The following MGST1 variants were observed in gnomAD, a reference collection of about 807,000 sequenced individuals.
MGST1 encodes microsomal glutathione S-transferase 1.
Under a neutral mutation model 8.9 loss-of-function variants are expected in MGST1, and 5 were observed. The observed-to-expected ratio is 0.56, with a 90% CI of 0.29 to 1.19. The LOEUF (loss-of-function observed/expected upper bound fraction) is 1.19. MGST1 is among the 50% of genes most tolerant of loss of function. The probability of loss-of-function intolerance (pLI) is 0.08; values close to 1 mark genes in which losing one functional copy is unlikely to be tolerated. For synonymous variants in MGST1, 54 were observed against 67.8 expected, an observed-to-expected ratio of 0.80 and a Z score of 1.00; for missense variants, 182 against 187.4, an observed-to-expected ratio of 0.97 and a Z score of 0.17.
chr12:16,367,338 T>G (rs1940209527), downstream of MGST1: 1 of 152,192 alleles, frequency 6.6e-6, no homozygotes, highest in Admixed American at 6.5e-5. Flanking sequence ...ACAGGAGATC[T>G]TAGGCCCAGA....
In MGST1 at chr12:16,513,175, A is replaced by G. The variant is rs182019183; in HGVS notation, n.483-76353A>G. Among the ~76,000 whole-genome samples, 1 of 152,348 alleles carries G rather than the reference A, an allele frequency of 6.6e-6. No individual in the cohort carries two copies. Among genetic ancestry groups the G allele is most frequent in the East Asian group, 1.9e-4 (1 of 5,184 alleles). On this transcript the variant is annotated intron_variant and non_coding_transcript_variant, in intron 4 of 4. Transcript: ENST00000538857. The surrounding 1 kb of genome is among the most constrained non-coding windows in gnomAD (Gnocchi z 4.2). Reference sequence around the variant, plus strand: ...ATAACTTAATCCACTGCCTACTATTAGCTTCGATTTCTTCATCTGACTCAG... The same window carrying G: ...ATAACTTAATCCACTGCCTACTATTGGCTTCGATTTCTTCATCTGACTCAG...
Position 16,456,409 on chromosome 12 carries a change from G to A in MGST1, n.482+72805G>A, listed in dbSNP as rs913334937. Among the ~76,000 whole-genome samples, 11 of 151,866 alleles carry A rather than the reference G, an allele frequency of 7.2e-5. No homozygotes were observed. The East Asian group carries it at 9.7e-4, about 13-fold the overall frequency. ...AGTTTATCTTAATTTTTGAAAAAAC[G>A]TTTTAAATCTTAATTCTAATTTTAA... is the stretch of plus-strand genomic sequence containing the variant. On this transcript the variant is annotated intron_variant and non_coding_transcript_variant, in intron 4 of 4. Transcript: ENST00000538857.
At chr12:16,525,398 G>GT (rs1163367223) in intron 4 of MGST1, among the ~76,000 whole-genome samples, 1 of 150,356 alleles carries the variant, frequency 6.7e-6, no homozygotes, top group African/African-American at 2.5e-5. Context: ...GCGGTGTTTG[G>GT]TTTTTTGTTC....
intron 4 of MGST1, among the ~76,000 whole-genome samples, chr12:16,562,046 T>C (rs889439833): frequency 9.9e-5 from 15 of 152,210 alleles, no homozygotes; most frequent in Non-Finnish European, 2.2e-4. Context: ...GTTCTCCTTT[T>C]GTAATCTGTA....
chr12:16,514,365 A>G (rs1941597263), intron 4 of MGST1: 1 of 299,042 alleles, frequency 3.3e-6, no homozygotes, highest in Non-Finnish European at 6.6e-6. Flanking sequence ...TGCTTCTACC[A>G]TTCTGAATGC....
chr12:16,418,817 A>C (rs1002319756), intron 1 of MGST1, among the ~76,000 whole-genome samples: 2 of 152,196 alleles, frequency 1.3e-5, no homozygotes, highest in Non-Finnish European at 2.9e-5. Flanking sequence ...AACACAGTCC[A>C]GTCCATAGTG....
intron 1 of MGST1, among the ~76,000 whole-genome samples, chr12:16,409,947 G>GA (rs1301967437): frequency 1.3e-5 from 2 of 151,988 alleles, no homozygotes; most frequent in Non-Finnish European, 2.9e-5. Context: ...ATTTGAAAGA[G>GA]AAAAAATACT....
chr12:16,514,294 T>C, intron 4 of MGST1: 1 of 299,388 alleles, frequency 3.3e-6, no homozygotes, highest in Non-Finnish European at 6.6e-6. Flanking sequence ...GAGGGTAGAG[T>C]CACATTTGAA....
At chr12:16,367,030 A>G (rs73062298), downstream of MGST1, among the ~76,000 whole-genome samples, 1 of 152,216 alleles carries the variant, frequency 6.6e-6, no homozygotes, top group Non-Finnish European at 1.5e-5. Flanking sequence ...TTTTTATATA[A>G]TACTACATGA....
At chr12:16,533,523 A>G (rs1296286801) in intron 4 of MGST1, among the ~76,000 whole-genome samples, 2 of 152,154 alleles carry the variant, frequency 1.3e-5, no homozygotes, top group African/African-American at 4.8e-5. Context: ...CTTCAAGCTC[A>G]TCAGGCTCTT....
chr12:16,513,683 G>A lies in MGST1; in HGVS notation n.483-75845G>A, dbSNP rs542628802. On this transcript the variant is annotated intron_variant and non_coding_transcript_variant, in intron 4 of 4. Coordinates refer to the MGST1 transcript ENST00000538857. The surrounding 1 kb of genome is among the most constrained non-coding windows in gnomAD (Gnocchi z 4.2). ...GACGAGGACTACCTCTCCATTGGGCGGCTGGCTGAATTTTGCAAGGCATCT... is the reference window on the plus strand; with the variant it reads ...GACGAGGACTACCTCTCCATTGGGCAGCTGGCTGAATTTTGCAAGGCATCT... 1.5e-5 allele frequency: 8 copies of A among 530,402 alleles called. No individual in the cohort carries two copies. Among genetic ancestry groups the A allele is most frequent in the African/African-American group, 3.8e-5 (2 of 52,140 alleles). The allele number at this position is 530,402 out of a possible 1,614,324, so 32.9% of individuals were successfully genotyped here. A position where few individuals can be genotyped will look rare whatever the true frequency, so the allele number is the denominator to read the frequency against.
At chr12:16,403,591 T>C (rs1940677235) in intron 1 of MGST1, among the ~76,000 whole-genome samples, 1 of 152,086 alleles carries the variant, frequency 6.6e-6, no homozygotes, top group African/African-American at 2.4e-5. Flanking sequence ...CAGCCTAATA[T>C]CAAAGTTTTC....
rs183817561 is a variant in MGST1, at chr12:16,385,810, G to A, written n.778+2206G>A. On this transcript the variant is annotated intron_variant and non_coding_transcript_variant, in intron 1 of 1. Coordinates refer to the MGST1 transcript ENST00000359720. ...TCTGCAAATGCTAATTGATAGATCA[G>A]CAAGTTTGGAGGGCTGCTTTTAATA... is the stretch of plus-strand genomic sequence containing the variant. 4.2e-3 allele frequency among the ~76,000 whole-genome samples: 636 copies of A among 151,972 alleles called. 7 individuals carry two copies. Among genetic ancestry groups the A allele is most frequent in the Middle Eastern group, 3.4e-3 (1 of 292 alleles).
chr12:16,402,692 T>C (rs1019691574), intron 1 of MGST1, among the ~76,000 whole-genome samples: 1 of 152,062 alleles, frequency 6.6e-6, no homozygotes, highest in Admixed American at 6.5e-5. Flanking sequence ...TCTTTTGTTT[T>C]TCCATTTACT....
chr12:16,419,811 A>G (rs2193136), intron 1 of MGST1, among the ~76,000 whole-genome samples: 80,269 of 151,922 alleles, frequency 0.53, 22,228 homozygotes, highest in East Asian at 0.87. Flanking sequence ...ATGGAGACGG[A>G]TTGGATGCCA....
At chr12:16,566,039 T>TATAAAA (rs1565488437) in intron 4 of MGST1, among the ~76,000 whole-genome samples, 1 of 86,506 alleles carries the variant, frequency 1.2e-5, no homozygotes, top group Admixed American at 1.4e-4. Context: ...TATATATATA[T>TATAAAA]AAAATGGAGT....
rs1411781093 is a variant in MGST1, at chr12:16,562,397, G to A, written n.483-27131G>A. On this transcript the variant is annotated intron_variant and non_coding_transcript_variant, in intron 4 of 4. Transcript: ENST00000538857. ...CATCTGGTTAACATGCGATAAAGCC[G>A]TTTTTAAGAATTATTCAGTTTGTTC... Among the ~76,000 whole-genome samples the A allele has an allele frequency of 5.9e-5, 9 of 152,156 alleles. No homozygotes were observed. The East Asian group carries it at 1.3e-3, about 23-fold the overall frequency.
intron 4 of MGST1, among the ~76,000 whole-genome samples, chr12:16,467,851 C>G (rs1941265547): frequency 6.6e-6 from 1 of 152,142 alleles, no homozygotes; most frequent in Non-Finnish European, 1.5e-5. Flanking sequence ...TTAATTAGCT[C>G]AAGAGAAACT....
At chr12:16,426,668 C>T (rs1278790457) in intron 1 of MGST1, among the ~76,000 whole-genome samples, 3 of 152,070 alleles carry the variant, frequency 2.0e-5, no homozygotes, top group Non-Finnish European at 2.9e-5. Flanking sequence ...AAAAGCTGAA[C>T]AAGGCCGGGC....
Sources: gnomAD v4.1 joint callset for allele counts (sites outside exome capture counted in the v4.1 genomes callset) on GRCh38, gnomAD v4.1.1 for gene constraint, Gnocchi (gnomAD v3.1) non-coding constraint, MANE v1.5 for transcripts, NCBI Gene and HGNC (gene_info 2026-07-23, HGNC 2026-07-21) for gene names.